Variants in KCNQ1 observed in about 807,000 individuals in gnomAD.
The protein encoded by KCNQ1 is potassium voltage-gated channel subfamily Q member 1.
Under a neutral mutation model 72.4 loss-of-function variants are expected in KCNQ1, and 49 were observed. The ratio of observed to expected loss-of-function variants is 0.68; its 90% CI spans 0.54 to 0.86. KCNQ1 has a LOEUF of 0.86. KCNQ1 is among the 40% of genes least tolerant of loss of function. The probability of loss-of-function intolerance (pLI) is 0.00; values close to 1 mark genes in which losing one functional copy is unlikely to be tolerated. For synonymous variants in KCNQ1, 450 were observed against 412.6 expected (o/e 1.09, Z -1.10); for missense variants, 790 against 945.1 (o/e 0.84, Z 2.15).
At chr11:2,511,392 C>G (rs1179629686) in intron 1 of KCNQ1, among the ~76,000 whole-genome samples, 2 of 152,190 alleles carry the variant, frequency 1.3e-5, no homozygotes, top group African/African-American at 4.8e-5. Context: ...CCCATGGAAC[C>G]AGAACCACCT....
chr11:2,768,318 G>C lies in KCNQ1; in HGVS notation c.1515-526G>C, dbSNP rs113365627. On this transcript the variant is annotated intron_variant, in intron 11 of 15. Transcript: ENST00000155840. The surrounding 1 kb of genome is among the most constrained non-coding windows in gnomAD (Gnocchi z 6.7). The stretch of plus-strand genomic sequence containing the variant: ...AGAAACTTTAGGAGGCAAAAACAGC[G>C]CAGCCCCCTTAACAGAGTGGCTCTG... Among the ~76,000 whole-genome samples, 1 of 152,170 alleles carries C rather than the reference G, an allele frequency of 6.6e-6. No homozygotes were observed. The highest frequency in any genetic ancestry group is 1.5e-5 in the Non-Finnish European group (1 of 68,038).
rs1849754938 is a variant in KCNQ1 at position 2,651,401 on chromosome 11, C to T, written c.1394-10560C>T. 2.5e-6 allele frequency: 1 copy of T among 398,710 alleles called. No homozygotes were observed. The highest frequency in any genetic ancestry group is 4.4e-6 in the Non-Finnish European group (1 of 226,150). 24.7% of individuals were successfully genotyped at this position (398,710 alleles called of 1,614,324 possible). A position where few individuals can be genotyped will look rare whatever the true frequency, so the allele number is the denominator to read the frequency against. ...GCTGCCCCGGTGGTGGCTCACTTTC[C>T]ATTCCTTTTGGCCTGCCCTGTGTGC... is the stretch of plus-strand genomic sequence containing the variant. On this transcript the variant is annotated intron_variant, in intron 10 of 15. Transcript: ENST00000155840. The surrounding 1 kb of genome is among the most constrained non-coding windows in gnomAD (Gnocchi z 6.1).
At chr11:2,701,484 G>C (rs997088651) in intron 11 of KCNQ1, among the ~76,000 whole-genome samples, 1 of 152,192 alleles carries the variant, frequency 6.6e-6, no homozygotes, top group African/African-American at 2.4e-5. Context: ...CTGCCTGTCC[G>C]AGAGGCAGCT....
intron 4 of KCNQ1, 48 bp from the exon 5 acceptor site, chr11:2,571,965 A>T (rs774258905): frequency 1.3e-6 from 2 of 1,527,260 alleles, no homozygotes; most frequent in Admixed American, 1.7e-5. Flanking sequence ...CGGCGTGAAC[A>T]GCTGAGCCCA....
At chr11:2,839,870 G>A (rs1848166236) in intron 15 of KCNQ1, 1 of 152,232 alleles carries the variant, frequency 6.6e-6, no homozygotes, top group Non-Finnish European at 1.5e-5. Context: ...GAACGAGCCT[G>A]TCGTCTTTCA....
chr11:2,464,622 G>A lies in KCNQ1; in HGVS notation c.386+19138G>A, dbSNP rs562954476. 1.1e-4 allele frequency among the ~76,000 whole-genome samples: 17 copies of A among 152,250 alleles called. No homozygotes were observed. The highest frequency in any genetic ancestry group is 3.4e-4 in the African/African-American group (14 of 41,544). ...CATGTCCTGTCCTTGGGGAGGCCTG[G>A]GGGACAGGAGTTGGGGGGGTGGGCA... On this transcript the variant is annotated intron_variant, in intron 1 of 15. Transcript: ENST00000155840. The surrounding 1 kb of genome is among the most constrained non-coding windows in gnomAD (Gnocchi z 5.0).
intron 11 of KCNQ1, chr11:2,693,372 A>C (rs1850620376): frequency 5.0e-6 from 2 of 398,650 alleles, no homozygotes; most frequent in Non-Finnish European, 8.8e-6. Flanking sequence ...GAGTCTGGCC[A>C]AGCAGCAGTG....
At chr11:2,535,703 G>C (rs1847719041) in intron 2 of KCNQ1, among the ~76,000 whole-genome samples, 1 of 152,232 alleles carries the variant, frequency 6.6e-6, no homozygotes, top group Admixed American at 6.5e-5. Flanking sequence ...CTGCACCTGA[G>C]AGAGGGCGGT....
chr11:2,824,794 G>A lies in KCNQ1; in HGVS notation c.1795-22973G>A, dbSNP rs1847805268. ...AACGTCCCCTGGGTTCCACACCACA[G>A]AGCCATAGAATTCTGTACTTGGCCT... is the stretch of plus-strand genomic sequence containing the variant. On this transcript the variant is annotated intron_variant, in intron 15 of 15. Coordinates refer to ENST00000155840, the MANE Select transcript of KCNQ1 (RefSeq NM_000218.3). The surrounding 1 kb of genome is among the most constrained non-coding windows in gnomAD (Gnocchi z 5.9). 6.6e-6 allele frequency among the ~76,000 whole-genome samples: 1 copy of A among 152,180 alleles called. No individual in the cohort carries two copies. Among genetic ancestry groups the A allele is most frequent in the African/African-American group, 2.4e-5 (1 of 41,442 alleles).
At chr11:2,749,929 C>T (rs1846199199) in intron 11 of KCNQ1, among the ~76,000 whole-genome samples, 2 of 151,428 alleles carry the variant, frequency 1.3e-5, no homozygotes, top group African/African-American at 4.9e-5. Context: ...CACTGCACTC[C>T]AGCCTGGGCA....
At chr11:2,777,117 G>A in intron 14 of KCNQ1, 85 bp downstream of exon 14, 1 of 1,339,804 alleles carries the variant, frequency 7.5e-7, no homozygotes, top group East Asian at 2.4e-5. Flanking sequence ...TCCCCATGAT[G>A]TCAGAATGGG....
rs919961645 is a variant in KCNQ1 at position 2,617,147 on chromosome 11, C to T, written c.1393+28293C>T. The T allele has an allele frequency of 4.8e-5, 19 of 398,294 alleles. No homozygotes were observed. Among genetic ancestry groups the T allele is most frequent in the Non-Finnish European group, 5.8e-5 (13 of 225,886 alleles). The allele number at this position is 398,294 out of a possible 1,614,324, so 24.7% of individuals were successfully genotyped here. A position where few individuals can be genotyped will look rare whatever the true frequency, so the allele number is the denominator to read the frequency against. ...CCAAATGCAATATACTAACTATTCT[C>T]ATGTTCTACATGAGATCTCTAGACT... On this transcript the variant is annotated intron_variant, in intron 10 of 15. Transcript: ENST00000155840. This position sits in a 1 kb window ranked among gnomAD's most constrained non-coding sequence, Gnocchi z 4.6.
chr11:2,825,543 C>G (rs373366827), intron 15 of KCNQ1, among the ~76,000 whole-genome samples: 40 of 152,360 alleles, frequency 2.6e-4, no homozygotes, highest in African/African-American at 9.1e-4. Flanking sequence ...ACCCTGGACG[C>G]TTCCTTCTTT....
intron 10 of KCNQ1, chr11:2,628,761 G>A: frequency 5.0e-6 from 2 of 398,326 alleles, no homozygotes; most frequent in Admixed American, 4.4e-5. Context: ...ATGGTTTCAG[G>A]TCATATGTTT....
rs1056772207 is a variant in KCNQ1, at chr11:2,537,894, T to G, written c.477+9876T>G. On this transcript the variant is annotated intron_variant, in intron 2 of 15. Coordinates refer to ENST00000155840, the MANE Select transcript of KCNQ1 (RefSeq NM_000218.3). The surrounding 1 kb of genome is among the most constrained non-coding windows in gnomAD (Gnocchi z 5.2). ...CCATGCCCCGCTAATTTTTGTATTT[T>G]TTGTAGAGATAGGGTTTTGCCATGT... Among the ~76,000 whole-genome samples, 2 of 152,092 alleles carry G rather than the reference T, an allele frequency of 1.3e-5. No individual in the cohort carries two copies. The highest frequency in any genetic ancestry group is 2.4e-5 in the African/African-American group (1 of 41,392).
At chr11:2,749,641 C>CAAAAAAAAAAA (rs35701102) in intron 11 of KCNQ1, among the ~76,000 whole-genome samples, 6 of 87,082 alleles carry the variant, frequency 6.9e-5, no homozygotes, top group African/African-American at 1.9e-4. Context: ...ACTAAAAATA[C>CAAAAAAAAAAA]AAAAAAAAAA....
intron 10 of KCNQ1, chr11:2,630,592 TTA>T (rs1849337123): frequency 2.5e-6 from 1 of 398,360 alleles, no homozygotes; most frequent in Non-Finnish European, 4.4e-6. Context: ...CTTTTAACCT[TTA>T]TACTAGAGTT....
intron 11 of KCNQ1, among the ~76,000 whole-genome samples, chr11:2,758,585 A>G (rs1434344522): frequency 6.6e-6 from 1 of 152,236 alleles, no homozygotes; most frequent in Non-Finnish European, 1.5e-5. Context: ...GAAGACTCAT[A>G]TTCATACACA....
chr11:2,762,694 G>A lies in KCNQ1; in HGVS notation c.1515-6150G>A, dbSNP rs1270805737. Among the ~76,000 whole-genome samples, 1 of 152,200 alleles carries A rather than the reference G, an allele frequency of 6.6e-6. No individual in the cohort carries two copies. The highest frequency in any genetic ancestry group is 2.1e-4 in the South Asian group (1 of 4,826). ...GGTGGCATTAGATTCTCGCAGGAGC[G>A]CGAACCCTGTTGTGAATGCACATGT... On this transcript the variant is annotated intron_variant, in intron 11 of 15. Transcript: ENST00000155840. The surrounding 1 kb of genome is among the most constrained non-coding windows in gnomAD (Gnocchi z 4.3).
Sources: allele counts gnomAD v4.1 joint callset (sites outside exome capture counted in the v4.1 genomes callset), GRCh38; gene constraint gnomAD v4.1.1; non-coding constraint Gnocchi (gnomAD v3.1); transcripts MANE v1.5; gene names NCBI Gene and HGNC (gene_info 2026-07-23, HGNC 2026-07-21).